BNIP1: variants seen among roughly 807,000 people sequenced by gnomAD.
The protein encoded by BNIP1 is BCL2 interacting protein 1.
In BNIP1, 25 loss-of-function variants were observed where a neutral mutation model predicts 28.5. The observed-to-expected ratio is 0.88, with a 90% CI of 0.64 to 1.23. The LOEUF (loss-of-function observed/expected upper bound fraction) is 1.23, where lower values mean the gene tolerates loss of function less well. BNIP1 is among the 50% of genes most tolerant of loss of function. The probability of loss-of-function intolerance (pLI) is 0.00; values close to 1 mark genes in which losing one functional copy is unlikely to be tolerated. For synonymous variants in BNIP1, 118 were observed against 101.7 expected, an observed-to-expected ratio of 1.16 and a Z score of -0.96; for missense variants, 276 against 277.0, an observed-to-expected ratio of 1.00 and a Z score of 0.02.
chr5:173,144,906 C>T, intron 1 of BNIP1: 1 of 389,550 alleles, frequency 2.6e-6, no homozygotes, highest in Non-Finnish European at 4.7e-6. Context: ...CGGCTTTGCC[C>T]CTTCCACCTG....
At chr5:173,150,301 C>T (rs941356758) in intron 2 of BNIP1, among the ~76,000 whole-genome samples, 1 of 151,416 alleles carries the variant, frequency 6.6e-6, no homozygotes, top group Non-Finnish European at 1.5e-5. Flanking sequence ...TATAACATGG[C>T]CCCCAAAGCC....
At chr5:173,154,472 C>T (rs1760122288) in intron 3 of BNIP1, 59 bp downstream of exon 3, 1 of 1,388,908 alleles carries the variant, frequency 7.2e-7, no homozygotes. Context: ...GCCTGTGAGC[C>T]TTGCACGTGT....
intron 1 of BNIP1, among the ~76,000 whole-genome samples, chr5:173,145,772 G>A (rs1033695475): frequency 1.3e-5 from 2 of 152,200 alleles, no homozygotes; most frequent in African/African-American, 4.8e-5. Flanking sequence ...CTCAGAGTTT[G>A]TAACAAGGTG....
Position 173,151,801 on chromosome 5 carries a change from A to G in BNIP1, c.178-2521A>G, listed in dbSNP as rs1390594863. On this transcript the variant is annotated intron_variant, in intron 2 of 5. Coordinates refer to ENST00000351486, the MANE Select transcript of BNIP1 (RefSeq NM_001205.3). ...ATACGTGTACATTTACATATTTATT[A>G]TGGCACCTAGGAAGGACCTAATAAG... 5 of 1,518,194 alleles carry G rather than the reference A, an allele frequency of 3.3e-6. No individual in the cohort carries two copies. In the East Asian group the frequency reaches 6.8e-5, roughly 21 times the overall value. 94.0% of individuals were successfully genotyped at this position (1,518,194 alleles called of 1,614,324 possible).
intron 5 of BNIP1, chr5:173,161,023 G>A: frequency 2.8e-6 from 1 of 358,670 alleles, no homozygotes; most frequent in Non-Finnish European, 5.5e-6. Flanking sequence ...GTGGACAAAA[G>A]GAGAAAGCAT....
Position 173,146,977 on chromosome 5 carries a change from G to A in BNIP1, c.177+19G>A, listed in dbSNP as rs1759857824. The stretch of plus-strand genomic sequence containing the variant: ...AATACAGGTGGGTATTCTCAATTCA[G>A]TCAATGAAGGGGGCTCTGTCCTGGG... On this transcript the variant is annotated intron_variant, in intron 2 of 5. Transcript: ENST00000351486. 1.3e-6 allele frequency: 2 copies of A among 1,584,332 alleles called. No homozygotes were observed. Among genetic ancestry groups the A allele is most frequent in the Non-Finnish European group, 1.7e-6 (2 of 1,152,976 alleles).
intron 3 of BNIP1, among the ~76,000 whole-genome samples, chr5:173,155,478 A>T (rs1465549321): frequency 6.6e-6 from 1 of 152,162 alleles, no homozygotes; most frequent in Non-Finnish European, 1.5e-5. Flanking sequence ...AGGTGGGCAG[A>T]TCATGAGGTC....
chr5:173,148,461 G>A (rs1759929679), intron 2 of BNIP1, among the ~76,000 whole-genome samples: 1 of 151,988 alleles, frequency 6.6e-6, no homozygotes, highest in African/African-American at 2.4e-5. Flanking sequence ...TGGGTAGAGG[G>A]GCCCACAGCA....
chr5:173,152,230 T>G (rs1760044721), intron 2 of BNIP1, among the ~76,000 whole-genome samples: 1 of 152,236 alleles, frequency 6.6e-6, no homozygotes, highest in Admixed American at 6.5e-5. Context: ...TTTTAATCCC[T>G]CCGCTTTTCC....
At chr5:173,163,393 A>T (rs1381249629) in intron 5 of BNIP1, among the ~76,000 whole-genome samples, 3 of 152,120 alleles carry the variant, frequency 2.0e-5, no homozygotes, top group Non-Finnish European at 4.4e-5. Flanking sequence ...CCCTGGGTTG[A>T]TTTTGTGGCT....
At chr5:173,152,013 T>C (rs1171622067) in intron 2 of BNIP1, among the ~76,000 whole-genome samples, 1 of 152,240 alleles carries the variant, frequency 6.6e-6, no homozygotes, top group Non-Finnish European at 1.5e-5. Context: ...TGGCCTCATA[T>C]CCTCAAAACT....
Position 173,162,178 on chromosome 5 carries a change from G to T in BNIP1, c.491-1547G>T, listed in dbSNP as rs539348469. ...ACTTTAAATTTTCCAGTAGGCACATGTTAAAAAGTAAAAAGAAACATAAGA... is the reference window on the plus strand; with the variant it reads ...ACTTTAAATTTTCCAGTAGGCACATTTTAAAAAGTAAAAAGAAACATAAGA... On this transcript the variant is annotated intron_variant, in intron 5 of 5. Transcript: ENST00000351486. Among the ~76,000 whole-genome samples the T allele has an allele frequency of 1.0e-3, 155 of 152,270 alleles. 2 individuals are homozygous for T. The South Asian group carries it at 0.014, about 14-fold the overall frequency.
intron 1 of BNIP1, 39 bp downstream of exon 1, chr5:173,144,668 TA>T (rs757876670): frequency 6.2e-7 from 1 of 1,604,288 alleles, no homozygotes; most frequent in Non-Finnish European, 8.5e-7. Context: ...CCAGCAGCCC[TA>T]ACCCAAGCTC....
chr5:173,158,979 G>T (rs970440265), intron 4 of BNIP1, 134 bp downstream of exon 4: 5 of 586,660 alleles, frequency 8.5e-6, no homozygotes, highest in Non-Finnish European at 1.2e-5. Context: ...TGAAAAAAAT[G>T]CATACTTATT....
At chr5:173,157,929 T>G (rs1169444676) in intron 3 of BNIP1, among the ~76,000 whole-genome samples, 8 of 151,150 alleles carry the variant, frequency 5.3e-5, no homozygotes, top group African/African-American at 1.2e-4. Context: ...TGTGTGTGTT[T>G]TTTTTTTTTT....
At position 173,164,014 on chromosome 5, in the gene BNIP1, C is replaced by A; in HGVS notation, c.*93C>A. The A allele has an allele frequency of 7.7e-7, 1 of 1,295,736 alleles. No homozygotes were observed. The highest frequency in any genetic ancestry group is 1.0e-6 in the Non-Finnish European group (1 of 960,554). 80.3% of individuals were successfully genotyped at this position (1,295,736 alleles called of 1,614,324 possible). Reference sequence around the variant, plus strand: ...TAGGCTGCTAAGCTGAGCCACACACCCCTCCGTTTGCACCAGTTGCCTGCA... The same window carrying A: ...TAGGCTGCTAAGCTGAGCCACACACACCTCCGTTTGCACCAGTTGCCTGCA... On this transcript the variant is annotated 3_prime_UTR_variant, in exon 6 of 6. Transcript: ENST00000351486. This position sits in a 1 kb window ranked among gnomAD's most constrained non-coding sequence, Gnocchi z 4.0.
At chr5:173,146,000 G>A (rs1329072432) in intron 1 of BNIP1, among the ~76,000 whole-genome samples, 1 of 152,120 alleles carries the variant, frequency 6.6e-6, no homozygotes, top group East Asian at 1.9e-4. Context: ...AAAATAAACA[G>A]GTTTCATACA....
At chr5:173,151,626 T>G in intron 2 of BNIP1, 1 of 1,613,992 alleles carries the variant, frequency 6.2e-7, no homozygotes, top group East Asian at 2.2e-5. Flanking sequence ...TAAGCTAACT[T>G]ATTCCCTGAC....
intron 5 of BNIP1, 88 bp from the exon 6 acceptor site, chr5:173,163,637 T>C: frequency 7.8e-7 from 1 of 1,278,390 alleles, no homozygotes; most frequent in South Asian, 1.6e-5. Flanking sequence ...AGAATGCTGG[T>C]TTTTATCAGC....
Sources: allele counts gnomAD v4.1 joint callset (sites outside exome capture counted in the v4.1 genomes callset), GRCh38; gene constraint gnomAD v4.1.1; non-coding constraint Gnocchi (gnomAD v3.1); transcripts MANE v1.5; gene names NCBI Gene and HGNC (gene_info 2026-07-23, HGNC 2026-07-21).